The following WDR31 variants were observed in gnomAD, a reference collection of about 807,000 sequenced individuals.
WDR31 encodes WD repeat domain 31.
In WDR31, 30 loss-of-function variants were observed where a neutral mutation model predicts 47.3. That is an observed-to-expected ratio of 0.63 (90% confidence interval 0.47 to 0.86). WDR31 has a LOEUF of 0.86. Among genes scored for constraint, WDR31 ranks in the 40% least tolerant of loss-of-function variants. The probability of loss-of-function intolerance (pLI) is 0.00; values close to 1 mark genes in which losing one functional copy is unlikely to be tolerated. For synonymous variants in WDR31, 137 were observed against 159.4 expected (o/e 0.86, Z 1.06); for missense variants, 406 against 442.9 (o/e 0.92, Z 0.75).
intron 2 of WDR31, 124 bp from the exon 3 acceptor site, chr9:113,332,174 C>G (rs189621405): frequency 1.4e-4 from 86 of 625,290 alleles, no homozygotes; most frequent in Non-Finnish European, 2.0e-4. Flanking sequence ...CACCCTGCTT[C>G]ACACTTACAG....
rs557356544 is a variant in WDR31 at position 113,317,770 on chromosome 9, C to A, written c.943+705G>T. On this transcript the variant is annotated intron_variant, in intron 10 of 10. Transcript: ENST00000374193. The stretch of plus-strand genomic sequence containing the variant: ...CTGTGGCAGAACCCTGTGTCCAGGA[C>A]AGAATAGATGGAGGCAGTGGGGTGC... Among the ~76,000 whole-genome samples, 10 of 152,322 alleles carry A rather than the reference C, an allele frequency of 6.6e-5. No individual in the cohort carries two copies. In the East Asian group the frequency reaches 1.9e-3, roughly 29 times the overall value.
At chr9:113,323,466 T>C (rs1357955669) in intron 5 of WDR31, among the ~76,000 whole-genome samples, 1 of 152,126 alleles carries the variant, frequency 6.6e-6, no homozygotes, top group Non-Finnish European at 1.5e-5. Context: ...TTCACCATGT[T>C]GGCCAGGCTG....
Position 113,316,856 on chromosome 9 carries a change from C to T in WDR31, c.997G>A (p.Val333Ile), listed in dbSNP as rs1833216145. ...DGSGPLTSLA[V>I]GDAISLLCAS... ...CACAATAAGGAGATGGCGTCACCAA[C>T]AGCCAGAGAAGTCAAGGGTCCTGAT... The change falls in exon 11 of 11, where the codon GTT (valine) becomes ATT (isoleucine). Residue 333 changes from valine (V) to isoleucine (I), a missense_variant. By Grantham distance (29) the Val-to-Ile change is conservative. Transcript: ENST00000374193. The T allele has an allele frequency of 6.2e-7, 1 of 1,614,166 alleles. No individual in the cohort carries two copies. Among genetic ancestry groups the T allele is most frequent in the Non-Finnish European group, 8.5e-7 (1 of 1,180,042 alleles).
chr9:113,326,019 C>G (rs1833455313), intron 5 of WDR31, among the ~76,000 whole-genome samples: 2 of 152,186 alleles, frequency 1.3e-5, no homozygotes, highest in Admixed American at 6.5e-5. Context: ...TCAAGTGATT[C>G]TCCTGCCTCA....
rs111445664 is a variant in WDR31, at chr9:113,321,395, A to G, written c.638+116T>C. The G allele has an allele frequency of 9.1e-4, 942 of 1,031,926 alleles. 9 individuals carry two copies. In the African/African-American group the frequency reaches 0.012, roughly 13 times the overall value. The allele number at this position is 1,031,926 out of a possible 1,614,324, so 63.9% of individuals were successfully genotyped here. ...CAGCACCAGTGAAGGGCAGAGGAACAGAAGGCTCTGGGAAGGGCAGAGCAA... is the reference window on the plus strand; with the variant it reads ...CAGCACCAGTGAAGGGCAGAGGAACGGAAGGCTCTGGGAAGGGCAGAGCAA... On this transcript the variant is annotated intron_variant, in intron 8 of 10. Coordinates refer to ENST00000374193, the MANE Select transcript of WDR31 (RefSeq NM_001012361.4).
At position 113,316,883 on chromosome 9, in the gene WDR31, C is replaced by A; in HGVS notation, c.970G>T (p.Gly324Ter). ...GACLFTLSLD[G>*]SGPLTSLAVG... ...GCCAGAGAAGTCAAGGGTCCTGATC[C>A]ATCCAGAGACAAGGTGAAAAGGCAG... is the stretch of plus-strand genomic sequence containing the variant. Residue 324 changes from glycine (G) to a stop codon, truncating the protein, a stop_gained, in exon 11 of 11, where the codon GGA (glycine) becomes TGA (stop). Coordinates refer to ENST00000374193, the MANE Select transcript of WDR31 (RefSeq NM_001012361.4). LOFTEE classifies it high-confidence loss of function. 1.9e-6 allele frequency: 3 copies of A among 1,613,978 alleles called. No individual in the cohort carries two copies. The highest frequency in any genetic ancestry group is 1.7e-6 in the Non-Finnish European group (2 of 1,179,952).
chr9:113,327,073 C>G (rs1223488139), intron 5 of WDR31, among the ~76,000 whole-genome samples: 2 of 152,170 alleles, frequency 1.3e-5, no homozygotes, highest in African/African-American at 4.8e-5. Flanking sequence ...TGGGCTCAAG[C>G]AATCCTCCTG....
intron 7 of WDR31, among the ~76,000 whole-genome samples, chr9:113,322,259 T>C (rs1833341032): frequency 6.6e-6 from 1 of 152,008 alleles, no homozygotes; most frequent in African/African-American, 2.4e-5. Context: ...CTCTAAGAGC[T>C]TAAGTAACTT....
intron 4 of WDR31, among the ~76,000 whole-genome samples, chr9:113,330,568 A>G (rs1050720922): frequency 6.6e-6 from 1 of 152,300 alleles, no homozygotes; most frequent in Middle Eastern, 3.4e-3. Context: ...AGAGAGCATA[A>G]AAGAAGAGAT....
At chr9:113,322,171 C>G (rs1833338728) in intron 7 of WDR31, among the ~76,000 whole-genome samples, 1 of 151,456 alleles carries the variant, frequency 6.6e-6, no homozygotes, top group African/African-American at 2.4e-5. Context: ...TATTTCACAT[C>G]TAGTATCTGA....
rs762854560 is a variant in WDR31, at chr9:113,316,771, A to G, written c.1082T>C (p.Leu361Pro). ...GCCTCAGAATGCTGCCACTTCCTGC[A>G]GTTCCAGCCCTTGGCTGTGGTCCAT... ...LRMDHSQGLE[L>P]QEVAAF The change falls in exon 11 of 11, where the codon CTG (leucine) becomes CCG (proline). Residue 361 changes from leucine (L) to proline (P), a missense_variant. Physicochemically the swap from Leu to Pro is moderately conservative, Grantham distance 98. Coordinates refer to ENST00000374193, the MANE Select transcript of WDR31 (RefSeq NM_001012361.4). 4 of 1,614,072 alleles carry G rather than the reference A, an allele frequency of 2.5e-6. No homozygotes were observed. Among genetic ancestry groups the G allele is most frequent in the East Asian group, 2.2e-5 (1 of 44,882 alleles).
rs1038861079 is a variant in WDR31, at chr9:113,316,452, T to C, written c.*297A>G. 3.9e-6 allele frequency: 1 copy of C among 255,626 alleles called. No individual in the cohort carries two copies. Among genetic ancestry groups the C allele is most frequent in the Non-Finnish European group, 7.5e-6 (1 of 133,510 alleles). 15.8% of individuals were successfully genotyped at this position (255,626 alleles called of 1,614,324 possible). A position where few individuals can be genotyped will look rare whatever the true frequency, so the allele number is the denominator to read the frequency against. On this transcript the variant is annotated 3_prime_UTR_variant, in exon 11 of 11. Coordinates refer to ENST00000374193, the MANE Select transcript of WDR31 (RefSeq NM_001012361.4). ...CTGCCACTCTTACATTTACAGGTCA[T>C]CATTCTGAGCAATACACTTTTTTTG...
At chr9:113,319,095 A>G (rs1045667431) in intron 9 of WDR31, among the ~76,000 whole-genome samples, 4 of 152,194 alleles carry the variant, frequency 2.6e-5, no homozygotes, top group African/African-American at 9.7e-5. Context: ...ATATAAGTAC[A>G]TCTAGGTGCA....
At chr9:113,338,088 T>C (rs16932806) in intron 1 of WDR31, among the ~76,000 whole-genome samples, 9,024 of 149,140 alleles carry the variant, frequency 0.061, 450 homozygotes, top group South Asian at 0.17. Flanking sequence ...TTTGGTTCAA[T>C]CTGGCAAGTT....
At chr9:113,317,593 T>C (rs1833233611) in intron 10 of WDR31, among the ~76,000 whole-genome samples, 1 of 152,248 alleles carries the variant, frequency 6.6e-6, no homozygotes, top group African/African-American at 2.4e-5. Context: ...GTTTGGCTTG[T>C]GGCCACAGCT....
intron 5 of WDR31, among the ~76,000 whole-genome samples, chr9:113,324,022 C>A (rs7026114): frequency 0.13 from 18,773 of 149,238 alleles, 1,234 homozygotes; most frequent in Non-Finnish European, 0.15. Flanking sequence ...TCTCTTCCAT[C>A]GTGTTTCTTT....
chr9:113,328,182 C>G (rs948368076), intron 5 of WDR31, among the ~76,000 whole-genome samples: 2 of 152,174 alleles, frequency 1.3e-5, no homozygotes, highest in Non-Finnish European at 2.9e-5. Context: ...CCATTCAGGA[C>G]CAGCTCTTTT....
At position 113,320,480 on chromosome 9, in the gene WDR31, C is replaced by T; in HGVS notation, c.657G>A (p.Gly219=). 1.9e-6 allele frequency: 3 copies of T among 1,613,912 alleles called. No homozygotes were observed. Among genetic ancestry groups the T allele is most frequent in the Non-Finnish European group, 2.5e-6 (3 of 1,179,882 alleles). The stretch of plus-strand genomic sequence containing the variant: ...CAGGAAACATATGAGCTACCTGCAG[C>T]CCCCGACTGTCCCATAATCTGAAAG... ...DKTLRLWDSR[G]LQVAHMFPAK... Residue 219 remains glycine, a synonymous_variant, in exon 9 of 11, where the codon GGG becomes GGA. Coordinates refer to ENST00000374193, the MANE Select transcript of WDR31 (RefSeq NM_001012361.4).
intron 5 of WDR31, among the ~76,000 whole-genome samples, chr9:113,327,396 T>C (rs1833497046): frequency 6.6e-6 from 1 of 151,870 alleles, no homozygotes; most frequent in South Asian, 2.1e-4. Flanking sequence ...CAATAAGGCT[T>C]GATACATGCT....
Sources: gnomAD v4.1 joint callset for allele counts (sites outside exome capture counted in the v4.1 genomes callset) on GRCh38, gnomAD v4.1.1 for gene constraint, MANE v1.5 for transcripts, NCBI Gene and HGNC (gene_info 2026-07-23, HGNC 2026-07-21) for gene names.